PTCSC3: variants seen among roughly 807,000 people sequenced by gnomAD.
PTCSC3 encodes papillary thyroid carcinoma susceptibility candidate 3 (non-protein coding).
chr14:36,140,022 T>C (rs1468168524), intron 3 of PTCSC3, among the ~76,000 whole-genome samples: 1 of 152,198 alleles, frequency 6.6e-6, no homozygotes, highest in Admixed American at 6.5e-5. Flanking sequence ...CATGCAACCA[T>C]GGACCTTTTT....
At chr14:36,163,574 A>G (rs941322976) in intron 1 of PTCSC3, among the ~76,000 whole-genome samples, 3 of 152,250 alleles carry the variant, frequency 2.0e-5, no homozygotes, top group African/African-American at 7.2e-5. Context: ...TCAGGACCAC[A>G]TGGGCTGAAA....
chr14:36,148,077 A>G (rs1447163872), intron 3 of PTCSC3, among the ~76,000 whole-genome samples: 6 of 152,112 alleles, frequency 3.9e-5, no homozygotes, highest in Admixed American at 2.0e-4. Flanking sequence ...GCTGTCAGAC[A>G]GGGACATTTA....
chr14:36,140,911 G>A (rs1881404137), intron 3 of PTCSC3, among the ~76,000 whole-genome samples: 1 of 152,064 alleles, frequency 6.6e-6, no homozygotes, highest in Non-Finnish European at 1.5e-5. Flanking sequence ...TTCGTGAAAG[G>A]TGTAAGGTCT....
chr14:36,151,702 T>C (rs988261966), intron 3 of PTCSC3, among the ~76,000 whole-genome samples: 11 of 152,196 alleles, frequency 7.2e-5, no homozygotes, highest in African/African-American at 2.7e-4. Flanking sequence ...AGACTGAAAT[T>C]GAGGCTGGAG....
intron 1 of PTCSC3, among the ~76,000 whole-genome samples, chr14:36,172,975 T>C (rs566735990): frequency 6.6e-6 from 1 of 152,256 alleles, no homozygotes; most frequent in Admixed American, 6.5e-5. Flanking sequence ...GTTATATACT[T>C]AATAAAGTAG....
intron 3 of PTCSC3, among the ~76,000 whole-genome samples, chr14:36,139,014 TGAGGCAGGAGAATGGCGTGAACCCAG>T (rs1170868404): frequency 6.7e-6 from 1 of 150,224 alleles, no homozygotes; most frequent in Non-Finnish European, 1.5e-5. Flanking sequence ...CTCAGGAGGC[TGAGGCAGGAGAATGGCGTGAACCCAG>T]GAGGCGGAGC....
At chr14:36,171,961 T>C (rs1882202349) in intron 1 of PTCSC3, among the ~76,000 whole-genome samples, 1 of 152,128 alleles carries the variant, frequency 6.6e-6, no homozygotes, top group Non-Finnish European at 1.5e-5. Flanking sequence ...CTAGAAGCAA[T>C]AGCAAAGCTC....
At chr14:36,145,575 C>T (rs373842654) in intron 3 of PTCSC3, among the ~76,000 whole-genome samples, 41 of 126,184 alleles carry the variant, frequency 3.2e-4, no homozygotes, top group East Asian at 1.3e-3. Context: ...GTCTTGCTAG[C>T]GGTCTATCAA....
chr14:36,143,664 T>C (rs1218115034), intron 3 of PTCSC3, among the ~76,000 whole-genome samples: 5 of 149,284 alleles, frequency 3.3e-5, no homozygotes, highest in East Asian at 2.0e-4. Context: ...TTAGTTTAAT[T>C]AGATCCCATT....
intron 1 of PTCSC3, among the ~76,000 whole-genome samples, chr14:36,175,299 C>CT (rs1882263584): frequency 6.6e-6 from 1 of 152,180 alleles, no homozygotes; most frequent in Non-Finnish European, 1.5e-5. Flanking sequence ...GGAGCACAGC[C>CT]TTACAGTGCT....
At chr14:36,159,006 A>G (rs937236882) in intron 2 of PTCSC3, among the ~76,000 whole-genome samples, 1 of 152,030 alleles carries the variant, frequency 6.6e-6, no homozygotes, top group African/African-American at 2.4e-5. Context: ...CCAGGAATTT[A>G]TCCATTTCTT....
intron 2 of PTCSC3, among the ~76,000 whole-genome samples, chr14:36,156,009 GA>G (rs1881817689): frequency 6.6e-6 from 1 of 151,946 alleles, no homozygotes; most frequent in Non-Finnish European, 1.5e-5. Flanking sequence ...TGCTCTGCAT[GA>G]AACTTTTGGT....
chr14:36,159,725 T>C lies in PTCSC3; in HGVS notation n.231+2899A>G, dbSNP rs577853600. Among the ~76,000 whole-genome samples the C allele has an allele frequency of 1.3e-4, 20 of 152,296 alleles. No individual in the cohort carries two copies. The South Asian group carries it at 1.7e-3, about 13-fold the overall frequency. Reference sequence around the variant, plus strand: ...TGAGAAGAATGTATATTCTGTTGATTTGGGGTGGAGAGTTCTGTAGATGTC... The same window carrying C: ...TGAGAAGAATGTATATTCTGTTGATCTGGGGTGGAGAGTTCTGTAGATGTC... On this transcript the variant is annotated intron_variant and non_coding_transcript_variant, in intron 2 of 3. Transcript: ENST00000556013.
intron 1 of PTCSC3, among the ~76,000 whole-genome samples, chr14:36,171,349 C>T (rs1215461392): frequency 6.6e-6 from 1 of 152,116 alleles, no homozygotes; most frequent in East Asian, 1.9e-4. Context: ...GAGATAATAG[C>T]TACACATTTC....
intron 3 of PTCSC3, among the ~76,000 whole-genome samples, chr14:36,145,288 C>G (rs544029326): frequency 1.3e-5 from 2 of 151,070 alleles, no homozygotes; most frequent in Admixed American, 6.6e-5. Context: ...TCCATCTGGT[C>G]CTGGACTCTT....
At chr14:36,166,207 A>C (rs1882083696) in intron 1 of PTCSC3, among the ~76,000 whole-genome samples, 1 of 152,182 alleles carries the variant, frequency 6.6e-6, no homozygotes, top group Non-Finnish European at 1.5e-5. Flanking sequence ...AAAGTATTCT[A>C]GGCACGCTAC....
chr14:36,162,411 C>T (rs2139107594), intron 2 of PTCSC3, among the ~76,000 whole-genome samples: 1 of 152,158 alleles, frequency 6.6e-6, no homozygotes, highest in Non-Finnish European at 1.5e-5. Flanking sequence ...TATGGAAAAG[C>T]ATAGTATCTG....
At chr14:36,158,769 A>G (rs894651724) in intron 2 of PTCSC3, among the ~76,000 whole-genome samples, 1 of 152,202 alleles carries the variant, frequency 6.6e-6, no homozygotes, top group African/African-American at 2.4e-5. Context: ...TGGCCTCATA[A>G]AATGACTTAG....
intron 3 of PTCSC3, among the ~76,000 whole-genome samples, chr14:36,140,390 C>T (rs1881391763): frequency 6.6e-6 from 1 of 152,126 alleles, no homozygotes; most frequent in Non-Finnish European, 1.5e-5. Context: ...TGTATTAAGT[C>T]CGTGTTTACC....
Sources: gnomAD v4.1 joint callset for allele counts (sites outside exome capture counted in the v4.1 genomes callset) on GRCh38, gnomAD v4.1.1 for gene constraint, MANE v1.5 for transcripts, NCBI Gene and HGNC (gene_info 2026-07-23, HGNC 2026-07-21) for gene names.